WDR26: variants seen among roughly 807,000 people sequenced by gnomAD.
WDR26 encodes the protein WD repeat-containing protein 26.
WDR26 carries 5 observed loss-of-function variants against 84.1 expected under a neutral mutation model. The observed-to-expected ratio is 0.06, with a 90% confidence interval of 0.03 to 0.13. The LOEUF is 0.13. Ranked by LOEUF, WDR26 falls within the 10% of genes least tolerant of loss-of-function variation. The pLI, the probability that WDR26 is intolerant of heterozygous loss-of-function variation, is 1.00. For missense variants in WDR26, 642 were observed against 974.9 expected (o/e 0.66, Z 4.55); for synonymous variants, 415 against 389.6 (o/e 1.07, Z -0.77).
chr1:224,410,924 T>G (rs1266177875), intron 7 of WDR26, among the ~76,000 whole-genome samples: 2 of 152,092 alleles, frequency 1.3e-5, no homozygotes. Flanking sequence ...ACTCCTGAGC[T>G]CAAGTGATCC....
At chr1:224,410,534 T>C (rs1223232744) in intron 7 of WDR26, among the ~76,000 whole-genome samples, 1 of 151,986 alleles carries the variant, frequency 6.6e-6, no homozygotes, top group Non-Finnish European at 1.5e-5. Flanking sequence ...CAGAATAAAA[T>C]ACTTTTCATA....
At chr1:224,402,294 T>C (rs943300688) in intron 8 of WDR26, among the ~76,000 whole-genome samples, 1 of 152,214 alleles carries the variant, frequency 6.6e-6, no homozygotes, top group Non-Finnish European at 1.5e-5. Context: ...CCCTATTTAC[T>C]CTTTTGGGTT....
chr1:224,412,307 A>G (rs1673761668), intron 6 of WDR26, among the ~76,000 whole-genome samples: 1 of 152,226 alleles, frequency 6.6e-6, no homozygotes, highest in Non-Finnish European at 1.5e-5. Context: ...AGCCTTAAGA[A>G]TGGGAGCAGT....
At chr1:224,433,607 T>TCCCCCTCCCCCC in intron 1 of WDR26, 77 bp downstream of exon 1, 1 of 250,542 alleles carries the variant, frequency 4.0e-6, no homozygotes, top group Non-Finnish European at 5.5e-6. Flanking sequence ...CCCTCCCCCC[T>TCCCCCTCCCCCC]CCGCCCCTTC....
Position 224,434,737 on chromosome 1 carries a change from C to G in WDR26, c.-332G>C, listed in dbSNP as rs973181134. On this transcript the variant is annotated 5_prime_UTR_variant, in exon 1 of 14. Coordinates refer to ENST00000414423, the MANE Select transcript of WDR26 (RefSeq NM_001379403.1). ...CAGCGGAGGCAGCTGCCGCCTCTGT[C>G]CTCGGATCCGCTCCGCTCTGCTCCC... The G allele has an allele frequency of 1.7e-5, 17 of 986,488 alleles. No homozygotes were observed. The highest frequency in any genetic ancestry group is 1.9e-5 in the Non-Finnish European group (16 of 830,860). 61.1% of individuals were successfully genotyped at this position (986,488 alleles called of 1,614,324 possible). A position where few individuals can be genotyped will look rare whatever the true frequency, so the allele number is the denominator to read the frequency against.
intron 5 of WDR26, 129 bp downstream of exon 5, chr1:224,419,389 G>C: frequency 1.4e-6 from 1 of 722,864 alleles, no homozygotes; most frequent in Non-Finnish European, 2.3e-6. Context: ...CTGAAAAACT[G>C]GATTCTCCCT....
intron 3 of WDR26, chr1:224,429,653 A>C (rs1674329118): frequency 6.6e-6 from 1 of 152,186 alleles, no homozygotes; most frequent in Admixed American, 6.6e-5. Context: ...ATAAATACCT[A>C]AACAGTTTGA....
rs1674541217 is a variant in WDR26 at position 224,434,470 on chromosome 1, G to C, written c.-65C>G. On this transcript the variant is annotated 5_prime_UTR_variant, in exon 1 of 14. Transcript: ENST00000414423. ...GGGGCCGGGGAGAGGGTCGGGGTGAGGGGGGCCGGGGAGGCGGGGAGGGGG... is the reference window on the plus strand; with the variant it reads ...GGGGCCGGGGAGAGGGTCGGGGTGACGGGGGCCGGGGAGGCGGGGAGGGGG... 1 of 518,692 alleles carries C rather than the reference G, an allele frequency of 1.9e-6. No individual in the cohort carries two copies. Among genetic ancestry groups the C allele is most frequent in the African/African-American group, 2.3e-5 (1 of 43,226 alleles). The allele number at this position is 518,692 out of a possible 1,614,324, so 32.1% of individuals were successfully genotyped here. A position where few individuals can be genotyped will look rare whatever the true frequency, so the allele number is the denominator to read the frequency against.
chr1:224,397,216 C>T (rs1337667668), intron 12 of WDR26, among the ~76,000 whole-genome samples: 2 of 152,122 alleles, frequency 1.3e-5, no homozygotes, highest in South Asian at 2.1e-4. Context: ...GTCTGGAACT[C>T]GTGGCCTCAA....
At chr1:224,429,664 T>C (rs1213979328) in intron 3 of WDR26, 3 of 152,198 alleles carry the variant, frequency 2.0e-5, no homozygotes, top group East Asian at 1.9e-4. Context: ...AACAGTTTGA[T>C]GGCATGAGGC....
intron 7 of WDR26, among the ~76,000 whole-genome samples, chr1:224,408,653 G>A (rs1247572829): frequency 7.6e-4 from 57 of 75,028 alleles, no homozygotes; most frequent in African/African-American, 4.3e-3. Flanking sequence ...TTTTTTTTTT[G>A]GAGTTGGACA....
chr1:224,425,906 AG>A (rs377375416), intron 3 of WDR26, among the ~76,000 whole-genome samples: 115 of 152,104 alleles, frequency 7.6e-4, no homozygotes, highest in African/African-American at 2.5e-3. Flanking sequence ...GGCCCAGGCT[AG>A]AGTGCAGTGG....
intron 13 of WDR26, among the ~76,000 whole-genome samples, chr1:224,392,221 C>T (rs1035902507): frequency 1.2e-4 from 18 of 151,880 alleles, no homozygotes; most frequent in African/African-American, 3.1e-4. Flanking sequence ...ATTAGCTGGG[C>T]GTGGTGGTGG....
At position 224,386,863 on chromosome 1, in the gene WDR26, TAAAA is replaced by T. The variant is rs1291558561; in HGVS notation, c.*2968_*2971del. On this transcript the variant is annotated 3_prime_UTR_variant, in exon 14 of 14. Transcript: ENST00000414423. ...ACAGAAATGTAGCTGTTATGAAGAC[TAAAA>T]AAATACAAAAACCAAAGCTGAAGCT... 1 of 152,026 alleles carries T rather than the reference TAAAA, an allele frequency of 6.6e-6. No individual in the cohort carries two copies. Among genetic ancestry groups the T allele is most frequent in the East Asian group, 1.9e-4 (1 of 5,194 alleles). The allele number at this position is 152,026 out of a possible 1,614,324, so 9.4% of individuals were successfully genotyped here.
chr1:224,409,835 C>T (rs573048440), intron 7 of WDR26, among the ~76,000 whole-genome samples: 4 of 151,066 alleles, frequency 2.6e-5, no homozygotes, highest in Admixed American at 6.6e-5. Context: ...TGCACTACAC[C>T]CTGGGGGACA....
At position 224,431,457 on chromosome 1, in the gene WDR26, A is replaced by G; in HGVS notation, c.927+20T>C. On this transcript the variant is annotated intron_variant, in intron 3 of 13. Coordinates refer to ENST00000414423, the MANE Select transcript of WDR26 (RefSeq NM_001379403.1). ...CTAAAATAAGCATAAATGTGAAACT[A>G]AGAACAAAAGTGTATTTACCACAAT... 1 of 1,607,088 alleles carries G rather than the reference A, an allele frequency of 6.2e-7. No individual in the cohort carries two copies. The highest frequency in any genetic ancestry group is 8.5e-7 in the Non-Finnish European group (1 of 1,174,336).
Position 224,433,794 on chromosome 1 carries a change from G to A in WDR26, c.612C>T (p.Ser204=). 2 of 1,537,038 alleles carry A rather than the reference G, an allele frequency of 1.3e-6. No homozygotes were observed. The highest frequency in any genetic ancestry group is 1.7e-6 in the Non-Finnish European group (2 of 1,146,812). Residue 204 remains serine, a synonymous_variant, in exon 1 of 14, where the codon TCC becomes TCT. Transcript: ENST00000414423. ...TGCTGCCCAGTTCTGGGGTGGCCAA[G>A]GAAGAGGAGGCGGCGGTGGTGGCGG...
At chr1:224,398,034 T>A in intron 12 of WDR26, 63 bp downstream of exon 12, 1 of 1,572,486 alleles carries the variant, frequency 6.4e-7, no homozygotes, top group Non-Finnish European at 8.6e-7. Flanking sequence ...ATGACTGCCT[T>A]CATAAATTGA....
intron 1 of WDR26, 66 bp downstream of exon 1, chr1:224,433,618 C>CAAA: frequency 2.7e-6 from 3 of 1,096,286 alleles, no homozygotes; most frequent in Non-Finnish European, 2.4e-6. Context: ...CCGCCCCTTC[C>CAAA]CCTACCCCCC....
Sources: allele counts gnomAD v4.1 joint callset (sites outside exome capture counted in the v4.1 genomes callset), GRCh38; gene constraint gnomAD v4.1.1; transcripts MANE v1.5; gene names NCBI Gene and HGNC (gene_info 2026-07-23, HGNC 2026-07-21).